The following MCU variants were observed in gnomAD, a reference collection of about 807,000 sequenced individuals.
MCU encodes the protein mitochondrial calcium uniporter, also known as calcium uniporter protein, mitochondrial.
A neutral mutation model predicts 45.2 loss-of-function variants in MCU; 12 were observed. The ratio of observed to expected loss-of-function variants is 0.27; its 90% CI spans 0.17 to 0.43. The LOEUF (loss-of-function observed/expected upper bound fraction) is 0.43, where lower values mean the gene tolerates loss of function less well. MCU is among the 20% of genes least tolerant of loss of function. MCU has a pLI of 1.00. For synonymous variants in MCU, 160 were observed against 165.1 expected (o/e 0.97, Z 0.24); for missense variants, 324 against 436.7 (o/e 0.74, Z 2.30).
At chr10:72,785,359 C>T (rs1844056983) in intron 1 of MCU, among the ~76,000 whole-genome samples, 1 of 152,138 alleles carries the variant, frequency 6.6e-6, no homozygotes. Flanking sequence ...AATGAACTTC[C>T]CTGTGGTATG....
At chr10:72,785,416 C>A (rs1013130679) in intron 1 of MCU, among the ~76,000 whole-genome samples, 1 of 152,122 alleles carries the variant, frequency 6.6e-6, no homozygotes, top group African/African-American at 2.4e-5. Context: ...TTAGAGTTTT[C>A]AAAAATGTGC....
chr10:72,742,680 T>C (rs1843351746), intron 1 of MCU, among the ~76,000 whole-genome samples: 1 of 152,148 alleles, frequency 6.6e-6, no homozygotes, highest in Non-Finnish European at 1.5e-5. Context: ...CATATAAGTG[T>C]GCCTAATAAT....
chr10:72,845,410 G>A (rs1845106652), intron 2 of MCU, among the ~76,000 whole-genome samples: 1 of 152,068 alleles, frequency 6.6e-6, no homozygotes, highest in South Asian at 2.1e-4. Flanking sequence ...ATAAATTACG[G>A]TATACAGTCA....
At chr10:72,882,403 A>G (rs1488009714) in intron 6 of MCU, among the ~76,000 whole-genome samples, 2 of 152,218 alleles carry the variant, frequency 1.3e-5, no homozygotes, top group Admixed American at 1.3e-4. Flanking sequence ...CTTCTTTCAA[A>G]AGCAAATGGG....
intron 1 of MCU, among the ~76,000 whole-genome samples, chr10:72,707,647 G>GTGTGTA (rs71021526): frequency 0.024 from 3,487 of 146,968 alleles, 148 homozygotes; most frequent in African/African-American, 0.062. Flanking sequence ...GTGTGTGTGT[G>GTGTGTA]TTTCCCACCA....
chr10:72,768,774 T>A lies in MCU; in HGVS notation c.151-65585T>A, dbSNP rs191280608. Among the ~76,000 whole-genome samples the A allele has an allele frequency of 7.2e-5, 11 of 152,252 alleles. No individual in the cohort carries two copies. In the East Asian group the frequency reaches 1.7e-3, roughly 24 times the overall value. On this transcript the variant is annotated intron_variant, in intron 1 of 7. Coordinates refer to ENST00000373053, the MANE Select transcript of MCU (RefSeq NM_138357.3). ...ATGCTTATTGAAAAACTTAGTTTTT[T>A]AAAAAAAATTAGATACAACTTTTAG...
At chr10:72,715,161 A>T (rs1444811887) in intron 1 of MCU, 6 of 985,028 alleles carry the variant, frequency 6.1e-6, no homozygotes, top group Non-Finnish European at 7.2e-6. Flanking sequence ...TTTCTACCTC[A>T]CTCTCCATGT....
chr10:72,777,222 T>G (rs369980040), intron 1 of MCU, among the ~76,000 whole-genome samples: 3 of 152,278 alleles, frequency 2.0e-5, no homozygotes, highest in East Asian at 3.9e-4. Flanking sequence ...CATATGGAAT[T>G]ACAAAAGACC....
rs955158892 is a variant in MCU, at chr10:72,692,537, C to A, written c.150+236C>A. Reference sequence around the variant, plus strand: ...GGAGGGGCGACGGCGGGGATGTTCCCGCAGGACTGGGGACACCAGGGCGGG... The same window carrying A: ...GGAGGGGCGACGGCGGGGATGTTCCAGCAGGACTGGGGACACCAGGGCGGG... On this transcript the variant is annotated intron_variant, in intron 1 of 7. Coordinates refer to ENST00000373053, the MANE Select transcript of MCU (RefSeq NM_138357.3). 8 of 1,069,300 alleles carry A rather than the reference C, an allele frequency of 7.5e-6. No individual in the cohort carries two copies. In the East Asian group the frequency reaches 4.6e-4, roughly 62 times the overall value. 66.2% of individuals were successfully genotyped at this position (1,069,300 alleles called of 1,614,324 possible).
intron 7 of MCU, 38 bp downstream of exon 7, chr10:72,884,420 TCTTGCA>T (rs750561970): frequency 7.9e-6 from 9 of 1,132,310 alleles, no homozygotes; most frequent in African/African-American, 1.5e-5. Context: ...CCCAGCCCTA[TCTTGCA>T]TGGTTATTAT....
chr10:72,838,717 C>T (rs560606476), intron 2 of MCU, among the ~76,000 whole-genome samples: 1 of 152,198 alleles, frequency 6.6e-6, no homozygotes, highest in East Asian at 1.9e-4. Flanking sequence ...CAAGATTTCC[C>T]TACAAAAATT....
intron 6 of MCU, among the ~76,000 whole-genome samples, chr10:72,879,580 C>G (rs903965109): frequency 6.6e-6 from 1 of 152,162 alleles, no homozygotes; most frequent in Admixed American, 6.5e-5. Context: ...AAAGGAGATA[C>G]TGAAAGATGT....
In MCU at chr10:72,692,188, C is replaced by T; in HGVS notation, c.37C>T (p.Leu13Phe). ...CGCAGGTAGATCGCTCCTGCTGCTC[C>T]TCTCCTCTCGGGGCGGCGGCGGCGG... ...AAAGRSLLLL[L>F]SSRGGGGGGA... Residue 13 changes from leucine (L) to phenylalanine (F), a missense_variant, in exon 1 of 8, where the codon CTC becomes TTC. Physicochemically the swap from Leu to Phe is conservative, Grantham distance 22. Coordinates refer to ENST00000373053, the MANE Select transcript of MCU (RefSeq NM_138357.3). The T allele has an allele frequency of 7.8e-7, 1 of 1,277,464 alleles. No individual in the cohort carries two copies. Among genetic ancestry groups the T allele is most frequent in the African/African-American group, 1.5e-5 (1 of 65,290 alleles). 79.1% of individuals were successfully genotyped at this position (1,277,464 alleles called of 1,614,324 possible).
chr10:72,754,893 T>A (rs1292075997), intron 1 of MCU, among the ~76,000 whole-genome samples: 1 of 152,186 alleles, frequency 6.6e-6, no homozygotes, highest in Non-Finnish European at 1.5e-5. Context: ...TTTGCAGACA[T>A]TTTTTGCAGA....
chr10:72,786,472 C>T (rs539131130), intron 1 of MCU, among the ~76,000 whole-genome samples: 1 of 152,212 alleles, frequency 6.6e-6, no homozygotes, highest in African/African-American at 2.4e-5. Flanking sequence ...TGGCTGGGTG[C>T]CATGGCTCTT....
intron 1 of MCU, among the ~76,000 whole-genome samples, chr10:72,822,057 C>T (rs946075552): frequency 6.6e-6 from 1 of 152,128 alleles, no homozygotes; most frequent in Non-Finnish European, 1.5e-5. Context: ...GGGCAGATCA[C>T]CTGAGGTCAG....
At chr10:72,729,952 CTTTTTTTTTT>C (rs58668483) in intron 1 of MCU, among the ~76,000 whole-genome samples, 5 of 90,554 alleles carry the variant, frequency 5.5e-5, no homozygotes, top group South Asian at 3.6e-4. Context: ...CTTCAGCATT[CTTTTTTTTTT>C]TTTTTTTTTT....
chr10:72,806,877 C>T (rs1844460711), intron 1 of MCU, among the ~76,000 whole-genome samples: 1 of 152,134 alleles, frequency 6.6e-6, no homozygotes, highest in African/African-American at 2.4e-5. Flanking sequence ...GGCCATGAGG[C>T]CAGAAGCAAG....
Position 72,763,268 on chromosome 10 carries a change from C to T in MCU, c.150+70967C>T, listed in dbSNP as rs1867650. Among the ~76,000 whole-genome samples, 227 of 152,206 alleles carry T rather than the reference C, an allele frequency of 1.5e-3. 9 individuals carry two copies. The South Asian group carries it at 0.045, about 30-fold the overall frequency. On this transcript the variant is annotated intron_variant, in intron 1 of 7. Transcript: ENST00000373053. Reference sequence around the variant, plus strand: ...AATTTTGAGGATTAGGGCATGGACACATTTTGGGGTCCTTATTTCACCTAC... The same window carrying T: ...AATTTTGAGGATTAGGGCATGGACATATTTTGGGGTCCTTATTTCACCTAC...
Sources: gnomAD v4.1 joint callset for allele counts (sites outside exome capture counted in the v4.1 genomes callset) on GRCh38, gnomAD v4.1.1 for gene constraint, MANE v1.5 for transcripts, NCBI Gene and HGNC (gene_info 2026-07-23, HGNC 2026-07-21) for gene names.